Variants in MARK2 observed in about 807,000 individuals in gnomAD.
The protein encoded by MARK2 is microtubule affinity regulating kinase 2, also known as serine/threonine-protein kinase MARK2.
In MARK2, 16 loss-of-function variants were observed where a neutral mutation model predicts 89.8. The ratio of observed to expected loss-of-function variants is 0.18; its 90% CI spans 0.12 to 0.27. The LOEUF is 0.27. Among genes scored for constraint, MARK2 ranks in the 10% least tolerant of loss-of-function variants. The probability of loss-of-function intolerance (pLI) is 1.00; values close to 1 mark genes in which losing one functional copy is unlikely to be tolerated. For missense variants in MARK2, 621 were observed against 1,049.9 expected (o/e 0.59, Z 5.65); for synonymous variants, 382 against 399.5 (o/e 0.96, Z 0.52).
chr11:63,905,067 A>C (rs376541772), intron 16 of MARK2, 24 bp downstream of exon 16: 41 of 1,285,696 alleles, frequency 3.2e-5, no homozygotes, highest in Non-Finnish European at 3.9e-5. Context: ...TTTGGGTGGC[A>C]GAGAGGCTCA....
At chr11:63,898,421 C>A in intron 4 of MARK2, 141 bp downstream of exon 4, 1 of 970,302 alleles carries the variant, frequency 1.0e-6, no homozygotes, top group Non-Finnish European at 1.6e-6. Context: ...GCTCAAAATC[C>A]ATCTCCCCTT....
At chr11:63,907,922 G>A (rs1941477240) in intron 17 of MARK2, among the ~76,000 whole-genome samples, 2 of 152,240 alleles carry the variant, frequency 1.3e-5, no homozygotes, top group Non-Finnish European at 2.9e-5. Flanking sequence ...GAGCAGCCTC[G>A]TGCCGGGCCG....
At chr11:63,866,295 T>C (rs1938125862) in intron 1 of MARK2, among the ~76,000 whole-genome samples, 1 of 147,266 alleles carries the variant, frequency 6.8e-6, no homozygotes, top group Admixed American at 7.0e-5. Flanking sequence ...GAGGTTGCAG[T>C]GAGCAGAGAT....
chr11:63,903,004 C>A lies in MARK2; in HGVS notation c.1417-57C>A. 1 of 1,466,452 alleles carries A rather than the reference C, an allele frequency of 6.8e-7. No homozygotes were observed. The highest frequency in any genetic ancestry group is 9.6e-7 in the Non-Finnish European group (1 of 1,046,964). The allele number at this position is 1,466,452 out of a possible 1,614,324, so 90.8% of individuals were successfully genotyped here. ...CTGTTCCATGAACCTGGGGGGAGAA[C>A]CTGGCTGTAGACCACTTTGGCTTTC... On this transcript the variant is annotated intron_variant, in intron 13 of 18. Transcript: ENST00000402010. This position sits in a 1 kb window ranked among gnomAD's most constrained non-coding sequence, Gnocchi z 5.1.
intron 1 of MARK2, among the ~76,000 whole-genome samples, chr11:63,844,996 G>T (rs997386986): frequency 1.3e-5 from 2 of 152,196 alleles, no homozygotes; most frequent in Non-Finnish European, 2.9e-5. Context: ...CGACAAATGG[G>T]GTAGGGGGTG....
chr11:63,877,828 A>AG (rs1286547945), intron 1 of MARK2, among the ~76,000 whole-genome samples: 1 of 152,226 alleles, frequency 6.6e-6, no homozygotes, highest in Non-Finnish European at 1.5e-5. Flanking sequence ...CCGCCAGTGA[A>AG]TAAACAGCAG....
At chr11:63,888,964 G>T (rs746196396) in intron 1 of MARK2, 2 of 1,351,398 alleles carry the variant, frequency 1.5e-6, no homozygotes, top group African/African-American at 3.0e-5. Context: ...TCTCCAGTCG[G>T]GTATGTTGTC....
At chr11:63,906,880 C>A (rs1399029266) in intron 17 of MARK2, among the ~76,000 whole-genome samples, 1 of 150,958 alleles carries the variant, frequency 6.6e-6, no homozygotes, top group Non-Finnish European at 1.5e-5. Flanking sequence ...CTCTTCTCCT[C>A]TAGGCTGTTT....
At chr11:63,872,177 G>A (rs1680343804) in intron 1 of MARK2, among the ~76,000 whole-genome samples, 1 of 152,208 alleles carries the variant, frequency 6.6e-6, no homozygotes, top group Admixed American at 6.5e-5. Flanking sequence ...TCACTAAACA[G>A]CACCTCTCTG....
chr11:63,891,877 G>A (rs1590651132), intron 1 of MARK2, among the ~76,000 whole-genome samples: 1 of 152,316 alleles, frequency 6.6e-6, no homozygotes. Flanking sequence ...GCTGGACAGG[G>A]CTAGGGTACC....
intron 1 of MARK2, among the ~76,000 whole-genome samples, chr11:63,877,215 A>G (rs1938818801): frequency 7.1e-6 from 1 of 141,302 alleles, no homozygotes; most frequent in Admixed American, 7.9e-5. Flanking sequence ...GGCACAGGTG[A>G]TCCTCCCACC....
At chr11:63,874,777 G>A (rs973971596) in intron 1 of MARK2, among the ~76,000 whole-genome samples, 8 of 152,260 alleles carry the variant, frequency 5.3e-5, no homozygotes, top group East Asian at 1.9e-4. Flanking sequence ...CAGCATCAGC[G>A]TTAGATACCA....
chr11:63,863,153 A>G (rs1444989900), intron 1 of MARK2, among the ~76,000 whole-genome samples: 5 of 152,046 alleles, frequency 3.3e-5, no homozygotes, highest in Non-Finnish European at 5.9e-5. Flanking sequence ...GGTGTAATTT[A>G]TGCCACTACT....
intron 1 of MARK2, among the ~76,000 whole-genome samples, chr11:63,887,590 A>C (rs984888420): frequency 6.6e-6 from 1 of 152,236 alleles, no homozygotes; most frequent in African/African-American, 2.4e-5. Context: ...CTAGAGGGTT[A>C]ATGGCTACCA....
chr11:63,909,561 A>C lies in MARK2; in HGVS notation c.*324A>C. On this transcript the variant is annotated 3_prime_UTR_variant, in exon 19 of 19. Coordinates refer to ENST00000402010, the MANE Select transcript of MARK2 (RefSeq NM_001039469.3). ...CAGAGTATTTCGCCTAAACCAAGAAATTTTTTATTACCAAAAAGAAAAAAG... is the reference window on the plus strand; with the variant it reads ...CAGAGTATTTCGCCTAAACCAAGAACTTTTTTATTACCAAAAAGAAAAAAG... 1 of 212,182 alleles carries C rather than the reference A, an allele frequency of 4.7e-6. No individual in the cohort carries two copies. The highest frequency in any genetic ancestry group is 1.8e-4 in the South Asian group (1 of 5,638). The allele number at this position is 212,182 out of a possible 1,614,324, so 13.1% of individuals were successfully genotyped here.
At chr11:63,848,011 T>C (rs1212306825) in intron 1 of MARK2, among the ~76,000 whole-genome samples, 1 of 152,188 alleles carries the variant, frequency 6.6e-6, no homozygotes, top group East Asian at 1.9e-4. Flanking sequence ...TAGTTTTTGC[T>C]CTTTGGCAGC....
In MARK2 at chr11:63,844,834, A is replaced by G. The variant is rs148683531; in HGVS notation, c.54+5274A>G. Among the ~76,000 whole-genome samples the G allele has an allele frequency of 1.9e-3, 291 of 152,336 alleles. 1 individual carries two copies. Among genetic ancestry groups the G allele is most frequent in the African/African-American group, 6.7e-3 (278 of 41,582 alleles). On this transcript the variant is annotated intron_variant, in intron 1 of 18. Transcript: ENST00000402010. ...TTGATCAGGACTAACCCAGGCCTTC[A>G]TGAACTCTTTCCCATTGAGCACTTA...
chr11:63,857,121 A>G (rs550207652), intron 1 of MARK2, among the ~76,000 whole-genome samples: 32 of 149,828 alleles, frequency 2.1e-4, no homozygotes, highest in Non-Finnish European at 4.4e-4. Flanking sequence ...TAAATTTTTC[A>G]GTTTTTATAC....
chr11:63,882,256 A>G (rs998010297), intron 1 of MARK2, among the ~76,000 whole-genome samples: 2 of 150,982 alleles, frequency 1.3e-5, no homozygotes, highest in Admixed American at 6.6e-5. Context: ...CTGAGCCACC[A>G]TGCCCAGCCT....
Sources: gnomAD v4.1 joint callset for allele counts (sites outside exome capture counted in the v4.1 genomes callset) on GRCh38, gnomAD v4.1.1 for gene constraint, Gnocchi (gnomAD v3.1) non-coding constraint, MANE v1.5 for transcripts, NCBI Gene and HGNC (gene_info 2026-07-23, HGNC 2026-07-21) for gene names.